MCTP2: variants seen among roughly 807,000 people sequenced by gnomAD.
MCTP2 encodes multiple C2 and transmembrane domain-containing protein 2.
In MCTP2, 132 loss-of-function variants were observed where a neutral mutation model predicts 111.6. That is an observed-to-expected ratio of 1.18 (90% CI 1.03 to 1.37). The LOEUF is 1.37. MCTP2 is among the 40% of genes most tolerant of loss of function. The pLI is 0.00. For synonymous variants in MCTP2, 395 were observed against 387.7 expected (o/e 1.02, Z -0.22); for missense variants, 1,183 against 1,067.9 (o/e 1.11, Z -1.50).
intron 1 of MCTP2, among the ~76,000 whole-genome samples, chr15:94,234,153 G>A (rs1204470721): frequency 6.6e-6 from 1 of 152,134 alleles, no homozygotes; most frequent in Non-Finnish European, 1.5e-5. Flanking sequence ...GACCTGGTAA[G>A]GTGTTCTCAT....
chr15:94,397,844 T>C (rs1371125299), intron 14 of MCTP2, among the ~76,000 whole-genome samples: 2 of 152,220 alleles, frequency 1.3e-5, no homozygotes, highest in Non-Finnish European at 2.9e-5. Flanking sequence ...TTTTTGATCA[T>C]TACAATCTCA....
chr15:94,336,329 C>T (rs901094026), intron 4 of MCTP2, among the ~76,000 whole-genome samples: 54 of 152,302 alleles, frequency 3.5e-4, no homozygotes, highest in African/African-American at 1.3e-3. Flanking sequence ...TCTTTCCCAC[C>T]TATGAGCCAT....
intron 1 of MCTP2, among the ~76,000 whole-genome samples, chr15:94,264,812 A>C (rs1408293903): frequency 1.3e-5 from 2 of 152,202 alleles, no homozygotes; most frequent in Non-Finnish European, 2.9e-5. Context: ...GAGGAATTAG[A>C]GTAAAGGATA....
At chr15:94,296,624 GTGTC>G (rs1274250575) in intron 1 of MCTP2, among the ~76,000 whole-genome samples, 1 of 152,188 alleles carries the variant, frequency 6.6e-6, no homozygotes, top group African/African-American at 2.4e-5. Context: ...ACACCTTTCT[GTGTC>G]TGAGCACTTT....
intron 12 of MCTP2, among the ~76,000 whole-genome samples, chr15:94,377,754 C>T (rs924472436): frequency 2.0e-5 from 3 of 152,008 alleles, no homozygotes; most frequent in Admixed American, 6.6e-5. Context: ...AGGTCAAGAA[C>T]GTGGTGTTAA....
At chr15:94,241,856 G>A (rs1433090022) in intron 1 of MCTP2, among the ~76,000 whole-genome samples, 1 of 150,950 alleles carries the variant, frequency 6.6e-6, no homozygotes, top group Admixed American at 6.6e-5. Flanking sequence ...TCTTTAAAAT[G>A]TCATTTAAAT....
intron 20 of MCTP2, among the ~76,000 whole-genome samples, chr15:94,468,542 AG>A (rs1363722838): frequency 3.3e-5 from 5 of 152,366 alleles, no homozygotes; most frequent in African/African-American, 9.6e-5. Flanking sequence ...GCATATTAAA[AG>A]GTATTCAAAT....
intron 19 of MCTP2, among the ~76,000 whole-genome samples, chr15:94,452,696 G>T (rs1160924776): frequency 2.0e-5 from 3 of 152,106 alleles, no homozygotes; most frequent in Non-Finnish European, 4.4e-5. Context: ...TTCAAGCAGG[G>T]TATAGCCAAA....
chr15:94,474,620 AGGCTGAGGTGGGT>A (rs1158727088), intron 21 of MCTP2, among the ~76,000 whole-genome samples: 3 of 152,192 alleles, frequency 2.0e-5, no homozygotes, highest in South Asian at 4.2e-4. Context: ...GCACTTTGGG[AGGCTGAGGTGGGT>A]GGATCACCTG....
In MCTP2 at chr15:94,309,221, G is replaced by C. The variant is rs189579869; in HGVS notation, c.466-5061G>C. On this transcript the variant is annotated intron_variant, in intron 2 of 22. Transcript: ENST00000357742. ...TTGCTGCTTCCTGGTTAGTGGAGCC[G>C]TCTGATTCCTTTTGCTTATTTTGTA... 7.2e-5 allele frequency among the ~76,000 whole-genome samples: 11 copies of C among 152,212 alleles called. No homozygotes were observed. In the East Asian group the frequency reaches 1.3e-3, roughly 19 times the overall value.
chr15:94,440,133 GT>G, intron 17 of MCTP2, 42 bp from the exon 18 acceptor site: 1 of 1,606,920 alleles, frequency 6.2e-7, no homozygotes, highest in Non-Finnish European at 8.5e-7. Context: ...CTCCCCTAGT[GT>G]TTTATCAAGC....
At position 94,481,681 on chromosome 15, in the gene MCTP2, T is replaced by A. The variant is rs1046421070; in HGVS notation, c.*2647T>A. The A allele has an allele frequency of 2.1e-4, 32 of 152,362 alleles. No individual in the cohort carries two copies. Among genetic ancestry groups the A allele is most frequent in the African/African-American group, 7.0e-4 (29 of 41,486 alleles). 9.4% of individuals were successfully genotyped at this position (152,362 alleles called of 1,614,324 possible). A position where few individuals can be genotyped will look rare whatever the true frequency, so the allele number is the denominator to read the frequency against. ...TGGATGTGACTCCAACTTCCTTTTT[T>A]GTACCATCACATCTTTCATATCTTT... is the stretch of plus-strand genomic sequence containing the variant. On this transcript the variant is annotated 3_prime_UTR_variant, in exon 23 of 23. Coordinates refer to ENST00000357742, the MANE Select transcript of MCTP2 (RefSeq NM_001385001.1).
At chr15:94,343,593 C>G (rs1251641982) in intron 7 of MCTP2, 1 of 152,132 alleles carries the variant, frequency 6.6e-6, no homozygotes, top group African/African-American at 2.4e-5. Flanking sequence ...GGCTGCAAGG[C>G]TGACAAACAT....
chr15:94,459,569 TCA>T (rs2085060359), intron 20 of MCTP2, among the ~76,000 whole-genome samples: 1 of 152,222 alleles, frequency 6.6e-6, no homozygotes, highest in South Asian at 2.1e-4. Flanking sequence ...TAATTTTTGC[TCA>T]CAGATATGAT....
At position 94,470,343 on chromosome 15, in the gene MCTP2, T is replaced by C; in HGVS notation, c.2371T>C (p.Trp791Arg). 6.2e-7 allele frequency: 1 copy of C among 1,612,658 alleles called. No individual in the cohort carries two copies. Among genetic ancestry groups the C allele is most frequent in the Non-Finnish European group, 8.5e-7 (1 of 1,178,626 alleles). Residue 791 changes from tryptophan (W) to arginine (R), a missense_variant, in exon 21 of 23, where the codon TGG (tryptophan) becomes CGG (arginine). Trp to Arg is a moderately radical substitution (Grantham distance 101). Transcript: ENST00000357742. ...FGERIKNTFNWTVPFLSSLAC... is the reference protein window; with the variant it reads ...FGERIKNTFNRTVPFLSSLAC... The stretch of plus-strand genomic sequence containing the variant: ...GTGGTTTGTCTACAGCACATTTAAC[T>C]GGACGGTCCCCTTCCTTTCATCTCT...
intron 4 of MCTP2, among the ~76,000 whole-genome samples, chr15:94,330,777 C>A (rs2077096432): frequency 6.6e-6 from 1 of 152,156 alleles, no homozygotes; most frequent in African/African-American, 2.4e-5. Flanking sequence ...CTCTGTTGCC[C>A]AGGCTGGAGT....
At chr15:94,364,063 A>G (rs904497734) in intron 10 of MCTP2, among the ~76,000 whole-genome samples, 1 of 85,322 alleles carries the variant, frequency 1.2e-5, no homozygotes, top group African/African-American at 5.3e-5. Flanking sequence ...AAAAAAATTT[A>G]CATTAAAAAA....
intron 2 of MCTP2, among the ~76,000 whole-genome samples, chr15:94,307,944 A>G (rs2075961870): frequency 6.6e-6 from 1 of 151,034 alleles, no homozygotes; most frequent in Non-Finnish European, 1.5e-5. Context: ...AGGCTGTTTT[A>G]TGACTATTAC....
chr15:94,271,323 C>T (rs190358569), intron 1 of MCTP2, among the ~76,000 whole-genome samples: 1 of 152,268 alleles, frequency 6.6e-6, no homozygotes, highest in Non-Finnish European at 1.5e-5. Context: ...ATTATTCTCT[C>T]ATCTCTTTTA....
Sources: gnomAD v4.1 joint callset for allele counts (sites outside exome capture counted in the v4.1 genomes callset) on GRCh38, gnomAD v4.1.1 for gene constraint, MANE v1.5 for transcripts, NCBI Gene and HGNC (gene_info 2026-07-23, HGNC 2026-07-21) for gene names.